The following MOBP variants were observed in gnomAD, a reference collection of about 807,000 sequenced individuals.
The protein encoded by MOBP is myelin-associated oligodendrocyte basic protein.
Under a neutral mutation model 15.0 loss-of-function variants are expected in MOBP, and 5 were observed. The ratio of observed to expected loss-of-function variants is 0.33; its 90% CI spans 0.17 to 0.70. The LOEUF (loss-of-function observed/expected upper bound fraction) is 0.70. Ranked by LOEUF, MOBP falls within the 30% of genes least tolerant of loss-of-function variation. The pLI, the probability that MOBP is intolerant of heterozygous loss-of-function variation, is 0.67. For synonymous variants in MOBP, 88 were observed against 99.0 expected (o/e 0.89, Z 0.66); for missense variants, 188 against 257.8 (o/e 0.73, Z 1.85).
exon 5 of MOBP, chr3:39,515,599 C>G (rs1358246721): frequency 6.6e-6 from 1 of 152,164 alleles, no homozygotes; most frequent in Non-Finnish European, 1.5e-5. Flanking sequence ...TTCTTGCCTT[C>G]TTTCTATTTT....
intron 2 of MOBP, among the ~76,000 whole-genome samples, chr3:39,482,568 C>T (rs1042823089): frequency 6.8e-5 from 10 of 146,550 alleles, no homozygotes; most frequent in Non-Finnish European, 1.3e-4. Flanking sequence ...AGGAGAATGG[C>T]GTGAACCCAG....
chr3:39,472,303 T>A (rs1034909018), intron 1 of MOBP, among the ~76,000 whole-genome samples: 1 of 152,186 alleles, frequency 6.6e-6, no homozygotes, highest in East Asian at 1.9e-4. Context: ...GGGCAGTTGG[T>A]TAACCTATTG....
chr3:39,491,726 G>A (rs761136120), intron 2 of MOBP, among the ~76,000 whole-genome samples: 1 of 152,316 alleles, frequency 6.6e-6, no homozygotes, highest in East Asian at 1.9e-4. Flanking sequence ...CTTTGCCAGA[G>A]AGAAGGAGGA....
chr3:39,513,382 G>T lies in MOBP; in HGVS notation c.*-1G>T. The stretch of plus-strand genomic sequence containing the variant: ...TTTTTCTTTTTCTCTTTGTAAACCA[G>T]ATTGAAAAGGAAGATCAGGCCAACC... On this transcript the variant is annotated splice_acceptor_variant, in intron 4 of 4. Coordinates refer to the MOBP transcript ENST00000311042. LOFTEE classifies it high-confidence loss of function. 2.5e-6 allele frequency: 4 copies of T among 1,613,894 alleles called. No individual in the cohort carries two copies. Among genetic ancestry groups the T allele is most frequent in the Non-Finnish European group, 3.4e-6 (4 of 1,179,852 alleles).
At chr3:39,487,677 C>T (rs1169648302) in intron 2 of MOBP, among the ~76,000 whole-genome samples, 1 of 151,830 alleles carries the variant, frequency 6.6e-6, no homozygotes, top group East Asian at 1.9e-4. Flanking sequence ...GTGCCAGCCA[C>T]CACGCCTGGC....
intron 1 of MOBP, among the ~76,000 whole-genome samples, chr3:39,476,188 C>T (rs1018159851): frequency 4.6e-5 from 7 of 152,114 alleles, no homozygotes; most frequent in Non-Finnish European, 8.8e-5. Flanking sequence ...AACTCACTAT[C>T]GTGAGGACAG....
intron 1 of MOBP, among the ~76,000 whole-genome samples, chr3:39,477,559 A>G (rs1475767190): frequency 2.0e-5 from 3 of 151,774 alleles, no homozygotes; most frequent in Non-Finnish European, 2.9e-5. Context: ...TAGTTTATGT[A>G]TTTATTATAA....
At chr3:39,498,659 G>A (rs1259003484) in intron 2 of MOBP, among the ~76,000 whole-genome samples, 1 of 152,120 alleles carries the variant, frequency 6.6e-6, no homozygotes, top group Non-Finnish European at 1.5e-5. Context: ...TTTGAAAGTT[G>A]GATGCATTTT....
At chr3:39,513,324 G>C in intron 4 of MOBP, 1 of 1,446,734 alleles carries the variant, frequency 6.9e-7, no homozygotes, top group Non-Finnish European at 9.7e-7. Flanking sequence ...CAGAGAAAGA[G>C]AGAGAGTATA....
downstream of MOBP, among the ~76,000 whole-genome samples, chr3:39,506,414 G>A (rs1205735909): frequency 1.3e-5 from 2 of 152,158 alleles, no homozygotes; most frequent in African/African-American, 2.4e-5. Context: ...TATTTGGGAG[G>A]TGAAGGGGAC....
At chr3:39,510,053 T>A (rs1014231191) in intron 4 of MOBP, among the ~76,000 whole-genome samples, 8 of 152,152 alleles carry the variant, frequency 5.3e-5, no homozygotes, top group Non-Finnish European at 1.2e-4. Flanking sequence ...ATGGCTCAAT[T>A]TTTTTGTAAT....
chr3:39,479,697 T>C (rs2125630714), intron 1 of MOBP, among the ~76,000 whole-genome samples: 1 of 152,260 alleles, frequency 6.6e-6, no homozygotes, highest in East Asian at 1.9e-4. Context: ...GGAATTTCAT[T>C]TATCAAGTTT....
downstream of MOBP, among the ~76,000 whole-genome samples, chr3:39,505,293 G>T (rs2043033623): frequency 6.6e-6 from 1 of 152,188 alleles, no homozygotes; most frequent in Non-Finnish European, 1.5e-5. Context: ...GAAGTGCTGT[G>T]TGTGCCTTTG....
Position 39,503,008 on chromosome 3 carries a change from T to C in MOBP, c.*128T>C, listed in dbSNP as rs2042998288. ...AACCTGTGTAATCAGCTCCCTCCAT[T>C]AAATCCCCTCTGTTTGAAATACCTA... On this transcript the variant is annotated 3_prime_UTR_variant, in exon 4 of 4. Coordinates refer to ENST00000684792, the MANE Select transcript of MOBP (RefSeq NM_001393704.1). The C allele has an allele frequency of 5.2e-6, 3 of 572,202 alleles. No individual in the cohort carries two copies. The Middle Eastern group carries it at 8.1e-4, about 154-fold the overall frequency. 35.4% of individuals were successfully genotyped at this position (572,202 alleles called of 1,614,324 possible). A position where few individuals can be genotyped will look rare whatever the true frequency, so the allele number is the denominator to read the frequency against.
At chr3:39,498,559 C>T (rs2042919659) in intron 2 of MOBP, among the ~76,000 whole-genome samples, 1 of 151,912 alleles carries the variant, frequency 6.6e-6, no homozygotes, top group African/African-American at 2.4e-5. Context: ...CCATGTTGGC[C>T]AGGATGGTCT....
Position 39,502,369 on chromosome 3 carries a change from C to G in MOBP, c.206+94C>G, listed in dbSNP as rs1312111497. On this transcript the variant is annotated intron_variant, in intron 3 of 3. Transcript: ENST00000684792. This position sits in a 1 kb window ranked among gnomAD's most constrained non-coding sequence, Gnocchi z 6.3. ...TCCCGCTCCGCACCCCACTCTTCCC[C>G]CTAGTCGGCTCCGGGTTAGGCTCCG... 1.0e-5 allele frequency: 16 copies of G among 1,571,232 alleles called. No individual in the cohort carries two copies. The Admixed American group carries it at 1.3e-4, about 13-fold the overall frequency.
chr3:39,505,550 C>T (rs138800279), downstream of MOBP, among the ~76,000 whole-genome samples: 1 of 152,128 alleles, frequency 6.6e-6, no homozygotes, highest in Non-Finnish European at 1.5e-5. Context: ...GGGAGCAGTC[C>T]TTTATACATC....
At chr3:39,487,069 T>C (rs951982935) in intron 2 of MOBP, among the ~76,000 whole-genome samples, 4 of 151,448 alleles carry the variant, frequency 2.6e-5, no homozygotes, top group Admixed American at 1.3e-4. Flanking sequence ...GCCTTCTGAG[T>C]AGCTGGGACT....
At chr3:39,510,166 T>C (rs1392563057) in intron 4 of MOBP, among the ~76,000 whole-genome samples, 1 of 152,164 alleles carries the variant, frequency 6.6e-6, no homozygotes. Flanking sequence ...CTAGACTTTC[T>C]ATTTTTTCTA....
Sources: allele counts gnomAD v4.1 joint callset (sites outside exome capture counted in the v4.1 genomes callset), GRCh38; gene constraint gnomAD v4.1.1; non-coding constraint Gnocchi (gnomAD v3.1); transcripts MANE v1.5; gene names NCBI Gene and HGNC (gene_info 2026-07-23, HGNC 2026-07-21).